PCNX1: variants seen among roughly 807,000 people sequenced by gnomAD.
PCNX1 encodes the protein pecanex-like protein 1.
Under a neutral mutation model 242.2 loss-of-function variants are expected in PCNX1, and 78 were observed. That is an observed-to-expected ratio of 0.32 (90% confidence interval 0.27 to 0.39). PCNX1 has a LOEUF of 0.39. Among genes scored for constraint, PCNX1 ranks in the 10% least tolerant of loss-of-function variants. PCNX1 has a pLI of 1.00. For missense variants in PCNX1, 2,581 were observed against 2,856.5 expected (o/e 0.90, Z 2.20); for synonymous variants, 1,024 against 1,032.9 (o/e 0.99, Z 0.17).
intron 1 of PCNX1, among the ~76,000 whole-genome samples, chr14:70,923,729 T>A (rs758313357): frequency 3.9e-5 from 6 of 152,216 alleles, no homozygotes; most frequent in Non-Finnish European, 8.8e-5. Context: ...TGAGTTGTTT[T>A]AATAGTGAAT....
In PCNX1 at chr14:70,969,016, T is replaced by C. The variant is rs746772951; in HGVS notation, c.515-5T>C. 4 of 1,567,424 alleles carry C rather than the reference T, an allele frequency of 2.6e-6. No homozygotes were observed. In the African/African-American group the frequency reaches 4.1e-5, roughly 16 times the overall value. ...GGTCCTCACATGTTTCTCTTAACTT[T>C]GTAGGAGATACAGACACTGCTAAGA... On this transcript the variant is annotated splice_region_variant and splice_polypyrimidine_tract_variant and intron_variant, in intron 4 of 35. Coordinates refer to ENST00000304743, the MANE Select transcript of PCNX1 (RefSeq NM_014982.3).
intron 26 of PCNX1, among the ~76,000 whole-genome samples, chr14:71,068,944 G>A (rs755157976): frequency 6.6e-6 from 1 of 152,094 alleles, no homozygotes; most frequent in African/African-American, 2.4e-5. Context: ...ATATTAGTCT[G>A]TTCTCACACT....
intron 13 of PCNX1, among the ~76,000 whole-genome samples, chr14:71,024,650 T>C (rs982837478): frequency 1.3e-5 from 2 of 152,206 alleles, no homozygotes; most frequent in African/African-American, 4.8e-5. Context: ...CTAGTGATGT[T>C]AATTTTGATC....
At chr14:71,045,337 C>T (rs1264548133) in intron 20 of PCNX1, 54 bp downstream of exon 20, 29 of 1,261,006 alleles carry the variant, frequency 2.3e-5, no homozygotes, top group African/African-American at 3.0e-5. Context: ...TTTCCCTTTG[C>T]TATATTGATA....
chr14:71,051,055 C>G (rs565101856), intron 23 of PCNX1, among the ~76,000 whole-genome samples: 7 of 151,372 alleles, frequency 4.6e-5, no homozygotes, highest in Non-Finnish European at 8.8e-5. Flanking sequence ...GTAATCCCAG[C>G]TACCCGGGAG....
In PCNX1 at chr14:70,937,808, G is replaced by C. The variant is rs148680510; in HGVS notation, c.154-9107G>C. On this transcript the variant is annotated intron_variant, in intron 1 of 35. Transcript: ENST00000304743. ...ATTTGTTTGTGTCCTTTTTTATTTC[G>C]TTGAGCAGTGGTTTATAGTTCTCCT... Among the ~76,000 whole-genome samples, 21 of 152,042 alleles carry C rather than the reference G, an allele frequency of 1.4e-4. 1 individual carries two copies. In the South Asian group the frequency reaches 4.4e-3, roughly 32 times the overall value.
intron 11 of PCNX1, among the ~76,000 whole-genome samples, chr14:71,015,579 T>A (rs2059941116): frequency 1.3e-5 from 2 of 152,268 alleles, no homozygotes; most frequent in Non-Finnish European, 2.9e-5. Flanking sequence ...GAGGATCACT[T>A]GAGCCTAGGA....
At chr14:70,959,869 C>G (rs1327870407) in intron 2 of PCNX1, among the ~76,000 whole-genome samples, 1 of 141,876 alleles carries the variant, frequency 7.0e-6, no homozygotes, top group African/African-American at 2.6e-5. Flanking sequence ...GTTCCTATTT[C>G]TCCACATCCT....
At position 70,947,167 on chromosome 14, in the gene PCNX1, G is replaced by A. The variant is rs192866454; in HGVS notation, c.362+44G>A. On this transcript the variant is annotated intron_variant, in intron 2 of 35. Coordinates refer to ENST00000304743, the MANE Select transcript of PCNX1 (RefSeq NM_014982.3). The stretch of plus-strand genomic sequence containing the variant: ...TTGATTGATCGTAATGATTTAGATT[G>A]TGTTATCTGTATAATGATGTGATTA... 4 of 1,337,076 alleles carry A rather than the reference G, an allele frequency of 3.0e-6. No homozygotes were observed. The East Asian group carries it at 9.6e-5, about 32-fold the overall frequency. The allele number at this position is 1,337,076 out of a possible 1,614,324, so 82.8% of individuals were successfully genotyped here.
At chr14:70,938,941 T>C (rs540382256) in intron 1 of PCNX1, among the ~76,000 whole-genome samples, 1 of 152,346 alleles carries the variant, frequency 6.6e-6, no homozygotes, top group Admixed American at 6.5e-5. Flanking sequence ...TATTCTCTGA[T>C]GGTAGTTTGT....
Position 70,907,976 on chromosome 14 carries a change from G to T in PCNX1, c.126G>T (p.Leu42=). The T allele has an allele frequency of 6.3e-7, 1 of 1,597,944 alleles. No individual in the cohort carries two copies. The highest frequency in any genetic ancestry group is 8.5e-7 in the Non-Finnish European group (1 of 1,173,476). The part of the protein sequence containing the change: ...NALHLYLWLF[L]LGLPFTLYMA... ...TGCACCTCTACCTGTGGCTCTTTCT[G>T]CTGGGCCTGCCCTTCACCCTCTACA... The change falls in exon 1 of 36, where the codon CTG becomes CTT. Residue 42 remains leucine, a synonymous_variant. Coordinates refer to ENST00000304743, the MANE Select transcript of PCNX1 (RefSeq NM_014982.3).
At chr14:71,003,102 A>ATTTTT (rs2059556546) in intron 8 of PCNX1, among the ~76,000 whole-genome samples, 4 of 25,744 alleles carry the variant, frequency 1.6e-4, no homozygotes, top group African/African-American at 9.3e-4. Context: ...TTTTTTTTTG[A>ATTTTT]GACAGAGTCT....
In PCNX1 at chr14:71,057,603, G is replaced by C; in HGVS notation, c.4731G>C (p.Trp1577Cys). Residue 1577 changes from tryptophan to cysteine, a missense_variant, in exon 26 of 36, where the codon TGG becomes TGC. Physicochemically the swap from Trp to Cys is radical, Grantham distance 215. Around this residue, in one of 9 missense-constraint regions of PCNX1, gnomAD observed 54 missense variants for 45.3 expected, o/e 1.19. Transcript: ENST00000304743. ...SLCGDLLLGRWGNYSTGDCFI... is the reference protein window; with the variant it reads ...SLCGDLLLGRCGNYSTGDCFI... ...GTGGTGATTTGCTACTAGGACGGTG[G>C]GGAAACTACAGTACAGGGGACTGTT... The C allele has an allele frequency of 1.2e-6, 2 of 1,613,558 alleles. No individual in the cohort carries two copies. Among genetic ancestry groups the C allele is most frequent in the South Asian group, 2.2e-5 (2 of 91,064 alleles).
chr14:71,018,118 A>G (rs1000776990), intron 11 of PCNX1, among the ~76,000 whole-genome samples: 2 of 152,132 alleles, frequency 1.3e-5, no homozygotes, highest in South Asian at 4.1e-4. Flanking sequence ...TTTTAATAGC[A>G]GAACTTATAT....
At chr14:71,077,169 AGT>A (rs1427590324) in intron 28 of PCNX1, among the ~76,000 whole-genome samples, 1 of 152,184 alleles carries the variant, frequency 6.6e-6, no homozygotes, top group Non-Finnish European at 1.5e-5. Flanking sequence ...TTATCCTAAA[AGT>A]AAGATGAGTT....
intron 23 of PCNX1, among the ~76,000 whole-genome samples, chr14:71,051,605 A>G (rs2061038082): frequency 1.3e-5 from 2 of 152,180 alleles, no homozygotes; most frequent in African/African-American, 4.8e-5. Context: ...GAACTCTAAC[A>G]TCTCTTCCCA....
Position 71,110,178 on chromosome 14 carries a change from G to A in PCNX1, c.*243G>A, listed in dbSNP as rs889994734. On this transcript the variant is annotated 3_prime_UTR_variant, in exon 36 of 36. Coordinates refer to ENST00000304743, the MANE Select transcript of PCNX1 (RefSeq NM_014982.3). ...TAGCTGCCGAGAAAACATTTTGCAT[G>A]AAGGATAAAGTTCTGTTAAAATACA... 3 of 548,402 alleles carry A rather than the reference G, an allele frequency of 5.5e-6. No homozygotes were observed. The highest frequency in any genetic ancestry group is 9.9e-6 in the Non-Finnish European group (3 of 301,870). 34.0% of individuals were successfully genotyped at this position (548,402 alleles called of 1,614,324 possible). A position where few individuals can be genotyped will look rare whatever the true frequency, so the allele number is the denominator to read the frequency against.
intron 30 of PCNX1, among the ~76,000 whole-genome samples, chr14:71,089,617 A>G (rs1235896513): frequency 4.1e-5 from 6 of 148,088 alleles, no homozygotes; most frequent in Non-Finnish European, 7.5e-5. Context: ...TTATAAAGCC[A>G]TCAGATCTCA....
At chr14:71,101,944 TTC>T (rs760831069) in intron 30 of PCNX1, 44 bp from the exon 31 acceptor site, 13 of 1,101,446 alleles carry the variant, frequency 1.2e-5, no homozygotes, top group Non-Finnish European at 1.7e-5. Context: ...AAGTTATCAG[TTC>T]TTTTATTTTC....
Sources: gnomAD v4.1 joint callset for allele counts (sites outside exome capture counted in the v4.1 genomes callset) on GRCh38, gnomAD v4.1.1 for gene constraint, gnomAD v4.1.1 regional missense constraint, MANE v1.5 for transcripts, NCBI Gene and HGNC (gene_info 2026-07-23, HGNC 2026-07-21) for gene names.